SORCS1: variants seen among roughly 807,000 people sequenced by gnomAD.
SORCS1 encodes VPS10 domain-containing receptor SorCS1.
SORCS1 carries 60 observed loss-of-function variants against 146.1 expected under a neutral mutation model. The ratio of observed to expected loss-of-function variants is 0.41; its 90% CI spans 0.33 to 0.51. The LOEUF (loss-of-function observed/expected upper bound fraction) is 0.51. SORCS1 is among the 20% of genes least tolerant of loss of function. SORCS1 has a pLI of 0.21. For missense variants in SORCS1, 1,352 were observed against 1,487.6 expected (o/e 0.91, Z 1.50); for synonymous variants, 637 against 584.0 (o/e 1.09, Z -1.31).
chr10:106,622,088 GA>G (rs1847783795), intron 19 of SORCS1, among the ~76,000 whole-genome samples: 1 of 151,912 alleles, frequency 6.6e-6, no homozygotes, highest in Non-Finnish European at 1.5e-5. Context: ...TCAAGAGATC[GA>G]AACCATCCTG....
intron 19 of SORCS1, among the ~76,000 whole-genome samples, chr10:106,626,669 T>A (rs1445016211): frequency 1.3e-5 from 2 of 152,200 alleles, no homozygotes; most frequent in Non-Finnish European, 2.9e-5. Flanking sequence ...AAGTCTGTTA[T>A]GGTATAGATG....
rs559390318 is a variant in SORCS1 at position 106,949,473 on chromosome 10, C to T, written c.626+7040G>A. Among the ~76,000 whole-genome samples, 27 of 152,214 alleles carry T rather than the reference C, an allele frequency of 1.8e-4. No individual in the cohort carries two copies. The South Asian group carries it at 5.4e-3, about 30-fold the overall frequency. ...CCCTCCAGCCTGAACCTAGGGAGTTCTCCAGAGAGCACAGGCTGCCCTCAT... is the reference window on the plus strand; with the variant it reads ...CCCTCCAGCCTGAACCTAGGGAGTTTTCCAGAGAGCACAGGCTGCCCTCAT... On this transcript the variant is annotated intron_variant, in intron 2 of 25. Transcript: ENST00000263054.
intron 1 of SORCS1, among the ~76,000 whole-genome samples, chr10:106,980,515 C>A: frequency 6.6e-6 from 1 of 152,164 alleles, no homozygotes; most frequent in East Asian, 1.9e-4. Flanking sequence ...AGTGCTAAGT[C>A]GACCAACTTT....
chr10:106,888,008 C>T (rs1196382496), intron 2 of SORCS1, among the ~76,000 whole-genome samples: 1 of 152,136 alleles, frequency 6.6e-6, no homozygotes, highest in Non-Finnish European at 1.5e-5. Flanking sequence ...ATTCCAAATT[C>T]CCAACTCCTT....
At chr10:107,007,411 CCTTT>C (rs1177576618) in intron 1 of SORCS1, among the ~76,000 whole-genome samples, 3 of 152,160 alleles carry the variant, frequency 2.0e-5, no homozygotes, top group Admixed American at 1.3e-4. Context: ...CCCAAGGAAC[CCTTT>C]GGAGAGACCC....
At chr10:106,737,291 A>G (rs1857022043) in intron 5 of SORCS1, among the ~76,000 whole-genome samples, 1 of 152,226 alleles carries the variant, frequency 6.6e-6, no homozygotes, top group Non-Finnish European at 1.5e-5. Context: ...AGCTTTCTGC[A>G]GCAGCTCTCC....
At chr10:107,125,984 G>A (rs1021763637) in intron 1 of SORCS1, among the ~76,000 whole-genome samples, 1 of 152,052 alleles carries the variant, frequency 6.6e-6, no homozygotes, top group Non-Finnish European at 1.5e-5. Context: ...GTAAGCTAAC[G>A]TGTTGGGCAA....
At chr10:106,871,542 C>T (rs1392339213) in intron 2 of SORCS1, among the ~76,000 whole-genome samples, 1 of 152,180 alleles carries the variant, frequency 6.6e-6, no homozygotes, top group Non-Finnish European at 1.5e-5. Flanking sequence ...ACACATACAC[C>T]ATTAAATGCT....
chr10:106,675,411 T>C (rs940106834), intron 13 of SORCS1, among the ~76,000 whole-genome samples: 2 of 152,172 alleles, frequency 1.3e-5, no homozygotes, highest in African/African-American at 4.8e-5. Context: ...ACTATAAGTC[T>C]TTTATAAAAT....
At chr10:106,754,898 C>T (rs191836718) in intron 5 of SORCS1, among the ~76,000 whole-genome samples, 4 of 152,304 alleles carry the variant, frequency 2.6e-5, no homozygotes, top group Admixed American at 2.6e-4. Context: ...TATTTCAAGC[C>T]AGCTGTCTGT....
At chr10:106,994,063 CAAAAAAAA>C (rs67408221) in intron 1 of SORCS1, among the ~76,000 whole-genome samples, 3 of 80,844 alleles carry the variant, frequency 3.7e-5, no homozygotes, top group Non-Finnish European at 4.5e-5. Flanking sequence ...GACCCCATCT[CAAAAAAAA>C]AAAAAAAAAA....
intron 18 of SORCS1, among the ~76,000 whole-genome samples, chr10:106,644,662 G>A (rs1187509980): frequency 6.6e-6 from 1 of 152,042 alleles, no homozygotes; most frequent in African/African-American, 2.4e-5. Flanking sequence ...ACCACACCCG[G>A]CCACCATGAA....
chr10:106,854,060 A>G (rs897258833), intron 2 of SORCS1, among the ~76,000 whole-genome samples: 19 of 151,900 alleles, frequency 1.3e-4, no homozygotes, highest in African/African-American at 4.1e-4. Flanking sequence ...TAAGGTCTCC[A>G]ATTATAATAA....
chr10:107,087,115 T>C (rs1301083219), intron 1 of SORCS1, among the ~76,000 whole-genome samples: 1 of 152,230 alleles, frequency 6.6e-6, no homozygotes, highest in Non-Finnish European at 1.5e-5. Flanking sequence ...TTATTTTTAT[T>C]CTTTTGTGGC....
At chr10:106,701,623 CA>C (rs1277371941) in intron 8 of SORCS1, among the ~76,000 whole-genome samples, 5 of 152,188 alleles carry the variant, frequency 3.3e-5, no homozygotes, top group African/African-American at 1.2e-4. Flanking sequence ...AATCCTGTGA[CA>C]TTTTTTTGGT....
intron 1 of SORCS1, among the ~76,000 whole-genome samples, chr10:107,156,097 G>A (rs1160799549): frequency 6.6e-6 from 1 of 152,158 alleles, no homozygotes; most frequent in Non-Finnish European, 1.5e-5. Flanking sequence ...ACAATGGGGT[G>A]AAGTGAAAGG....
rs569090453 is a variant in SORCS1, at chr10:106,595,684, G to A, written c.3265+1667C>T. Among the ~76,000 whole-genome samples the A allele has an allele frequency of 3.9e-5, 6 of 152,258 alleles. No homozygotes were observed. The South Asian group carries it at 6.2e-4, about 16-fold the overall frequency. The stretch of plus-strand genomic sequence containing the variant: ...CTTCCGCTAGACCTAGCAGAGCCTC[G>A]TGAAATCTCCAGGAAACCAGAGAAT... On this transcript the variant is annotated intron_variant, in intron 24 of 25. Coordinates refer to ENST00000263054, the MANE Select transcript of SORCS1 (RefSeq NM_052918.5).
intron 4 of SORCS1, among the ~76,000 whole-genome samples, chr10:106,773,103 T>C (rs903921757): frequency 3.3e-5 from 5 of 152,248 alleles, no homozygotes; most frequent in East Asian, 3.9e-4. Flanking sequence ...TTCTAAGGGA[T>C]TGTTCACCAC....
Position 107,152,003 on chromosome 10 carries a change from G to A in SORCS1, c.558+11966C>T, listed in dbSNP as rs7094340. Among the ~76,000 whole-genome samples, 649 of 152,288 alleles carry A rather than the reference G, an allele frequency of 4.3e-3. 4 individuals carry two copies. Among genetic ancestry groups the A allele is most frequent in the African/African-American group, 0.014 (598 of 41,564 alleles). On this transcript the variant is annotated intron_variant, in intron 1 of 25. Coordinates refer to ENST00000263054, the MANE Select transcript of SORCS1 (RefSeq NM_052918.5). Reference sequence around the variant, plus strand: ...ACCCAGAGGCCTAGGAGGGAAAAATGCTTTAGTGGACCAGGCCCAGAACCC... The same window carrying A: ...ACCCAGAGGCCTAGGAGGGAAAAATACTTTAGTGGACCAGGCCCAGAACCC...
Sources: gnomAD v4.1 joint callset for allele counts (sites outside exome capture counted in the v4.1 genomes callset) on GRCh38, gnomAD v4.1.1 for gene constraint, MANE v1.5 for transcripts, NCBI Gene and HGNC (gene_info 2026-07-23, HGNC 2026-07-21) for gene names.